R3HDM1: variants seen among roughly 807,000 people sequenced by gnomAD.
The protein encoded by R3HDM1 is R3H domain containing 1, also known as R3H domain-containing protein 1.
In R3HDM1, 46 loss-of-function variants were observed where a neutral mutation model predicts 141.1. That is an observed-to-expected ratio of 0.33 (90% CI 0.26 to 0.42). The LOEUF is 0.42. R3HDM1 is among the 10% of genes least tolerant of loss of function. R3HDM1 has a pLI of 1.00. For synonymous variants in R3HDM1, 435 were observed against 472.9 expected (o/e 0.92, Z 1.04); for missense variants, 1,184 against 1,368.3 (o/e 0.87, Z 2.12).
chr2:135,630,636 G>A (rs968197205), intron 7 of R3HDM1, among the ~76,000 whole-genome samples: 1 of 152,138 alleles, frequency 6.6e-6, no homozygotes, highest in Non-Finnish European at 1.5e-5. Context: ...AGACTTTCAG[G>A]TGACCAAAGC....
intron 7 of R3HDM1, among the ~76,000 whole-genome samples, chr2:135,625,221 C>T (rs886218047): frequency 6.6e-6 from 1 of 152,134 alleles, no homozygotes; most frequent in African/African-American, 2.4e-5. Flanking sequence ...AGGCTGAGGA[C>T]AGTGGATCAC....
chr2:135,701,209 G>A (rs1390259292), intron 21 of R3HDM1, among the ~76,000 whole-genome samples: 1 of 113,774 alleles, frequency 8.8e-6, no homozygotes, highest in Admixed American at 1.1e-4. Context: ...AACATAACAA[G>A]ACCTCATCTC....
chr2:135,635,540 C>T (rs905999510), intron 9 of R3HDM1, among the ~76,000 whole-genome samples: 1 of 152,128 alleles, frequency 6.6e-6, no homozygotes, highest in African/African-American at 2.4e-5. Flanking sequence ...GAAGTAGGTA[C>T]ACTATATAAT....
chr2:135,651,557 T>C (rs2065151327), intron 17 of R3HDM1, 173 bp from the exon 18 acceptor site: 2 of 936,130 alleles, frequency 2.1e-6, no homozygotes, highest in African/African-American at 3.6e-5. Context: ...TATTCAACAA[T>C]AGAGTTGTCA....
chr2:135,687,763 C>T (rs2071608751), intron 21 of R3HDM1, among the ~76,000 whole-genome samples: 1 of 152,176 alleles, frequency 6.6e-6, no homozygotes, highest in African/African-American at 2.4e-5. Context: ...CAAACCAATA[C>T]CTTTTCAATG....
At chr2:135,682,226 C>A (rs894266074) in intron 21 of R3HDM1, among the ~76,000 whole-genome samples, 1 of 151,688 alleles carries the variant, frequency 6.6e-6, no homozygotes, top group African/African-American at 2.4e-5. Context: ...GTCATCATTT[C>A]TATGTGGGGC....
At chr2:135,669,178 C>T (rs900184925) in intron 19 of R3HDM1, 5 of 984,498 alleles carry the variant, frequency 5.1e-6, no homozygotes, top group African/African-American at 1.7e-5. Flanking sequence ...CTTTGAAATA[C>T]ATCAGTAGTA....
At chr2:135,718,892 A>G (rs2105462679) in intron 24 of R3HDM1, among the ~76,000 whole-genome samples, 1 of 152,306 alleles carries the variant, frequency 6.6e-6, no homozygotes, top group Non-Finnish European at 1.5e-5. Context: ...TCACACCTGT[A>G]ATCCCAGCCC....
chr2:135,580,668 C>CGTGA (rs1349279061), intron 1 of R3HDM1, among the ~76,000 whole-genome samples: 2 of 152,318 alleles, frequency 1.3e-5, no homozygotes, highest in East Asian at 3.9e-4. Context: ...TTAAACTTCA[C>CGTGA]TCACAAGGCC....
In R3HDM1 at chr2:135,588,906, TTTC is replaced by T. The variant is rs1177785753; in HGVS notation, c.-249-13588_-249-13586del. Among the ~76,000 whole-genome samples the T allele has an allele frequency of 2.0e-4, 30 of 152,194 alleles. 1 individual carries two copies. Among genetic ancestry groups the T allele is most frequent in the African/African-American group, 7.0e-4 (29 of 41,456 alleles). On this transcript the variant is annotated intron_variant, in intron 1 of 26. Coordinates refer to ENST00000683871, the MANE Select transcript of R3HDM1 (RefSeq NM_001378107.1). ...GTTAACAGCAGATATATGCTAGTAT[TTTC>T]TTCTTTTGTTTTTAACCTCTTGTTT...
chr2:135,691,230 A>C (rs1335199046), intron 21 of R3HDM1, among the ~76,000 whole-genome samples: 1 of 152,168 alleles, frequency 6.6e-6, no homozygotes, highest in Non-Finnish European at 1.5e-5. Context: ...CACCAAAGTC[A>C]TTTTTCAGTG....
intron 1 of R3HDM1, among the ~76,000 whole-genome samples, chr2:135,578,885 C>T (rs1415561446): frequency 6.6e-6 from 1 of 151,908 alleles, no homozygotes; most frequent in Middle Eastern, 3.2e-3. Flanking sequence ...TAGAATTAAC[C>T]CTGTGTTCAT....
intron 21 of R3HDM1, among the ~76,000 whole-genome samples, chr2:135,706,165 G>A (rs1418851956): frequency 1.3e-5 from 2 of 151,646 alleles, no homozygotes; most frequent in East Asian, 1.9e-4. Flanking sequence ...AAACCTGTGG[G>A]ATATCCTATA....
intron 1 of R3HDM1, chr2:135,561,244 A>G: frequency 1.1e-6 from 1 of 950,422 alleles, no homozygotes; most frequent in Non-Finnish European, 1.3e-6. Flanking sequence ...CTTTGTAACA[A>G]ATTTTTCTCT....
chr2:135,622,545 A>C, intron 6 of R3HDM1, 109 bp from the exon 7 acceptor site: 4 of 1,359,584 alleles, frequency 2.9e-6, no homozygotes, highest in Non-Finnish European at 3.8e-6. Context: ...AATTTTTTTC[A>C]ATGTGGGGCA....
At chr2:135,589,057 G>A (rs1708615729) in intron 1 of R3HDM1, among the ~76,000 whole-genome samples, 1 of 152,050 alleles carries the variant, frequency 6.6e-6, no homozygotes, top group Admixed American at 6.6e-5. Flanking sequence ...CGCTCATTTA[G>A]CATTTACGTG....
intron 9 of R3HDM1, among the ~76,000 whole-genome samples, chr2:135,634,409 G>C (rs2063053256): frequency 6.6e-6 from 1 of 152,156 alleles, no homozygotes; most frequent in Admixed American, 6.5e-5. Flanking sequence ...GGGAGACTGA[G>C]GCAGGTGGAT....
At chr2:135,680,870 A>G (rs1465064042) in intron 21 of R3HDM1, among the ~76,000 whole-genome samples, 2 of 152,230 alleles carry the variant, frequency 1.3e-5, no homozygotes, top group African/African-American at 4.8e-5. Flanking sequence ...GTGCCTAAAA[A>G]TTAGGCCAAT....
intron 21 of R3HDM1, among the ~76,000 whole-genome samples, chr2:135,683,745 T>C (rs1044430213): frequency 6.6e-6 from 1 of 152,106 alleles, no homozygotes; most frequent in Non-Finnish European, 1.5e-5. Context: ...AAGTCAACTA[T>C]TGGTAATTTT....
Sources: allele counts gnomAD v4.1 joint callset (sites outside exome capture counted in the v4.1 genomes callset), GRCh38; gene constraint gnomAD v4.1.1; transcripts MANE v1.5; gene names NCBI Gene and HGNC (gene_info 2026-07-23, HGNC 2026-07-21).